TMEM132D: variants seen among roughly 807,000 people sequenced by gnomAD.
TMEM132D encodes the protein mature OL transmembrane protein.
In TMEM132D, 21 loss-of-function variants were observed where a neutral mutation model predicts 62.3. The observed-to-expected ratio is 0.34, with a 90% CI of 0.24 to 0.49. The LOEUF (loss-of-function observed/expected upper bound fraction) is 0.49, where lower values mean the gene tolerates loss of function less well. Ranked by LOEUF, TMEM132D falls within the 20% of genes least tolerant of loss-of-function variation. The pLI is 0.99. For synonymous variants in TMEM132D, 621 were observed against 575.6 expected (o/e 1.08, Z -1.13); for missense variants, 1,346 against 1,402.8 (o/e 0.96, Z 0.65).
chr12:129,543,608 C>G (rs1248258537), intron 2 of TMEM132D, among the ~76,000 whole-genome samples: 1 of 152,108 alleles, frequency 6.6e-6, no homozygotes, highest in Non-Finnish European at 1.5e-5. Context: ...TGTTGAATGT[C>G]TCATGTAATT....
chr12:129,321,231 AT>A (rs1423470547), intron 4 of TMEM132D, among the ~76,000 whole-genome samples: 2 of 152,198 alleles, frequency 1.3e-5, no homozygotes, highest in African/African-American at 4.8e-5. Flanking sequence ...ATGATGGAAA[AT>A]TCATAGGCTG....
At chr12:129,692,329 G>T (rs594121) in intron 2 of TMEM132D, among the ~76,000 whole-genome samples, 1,944 of 152,286 alleles carry the variant, frequency 0.013, 35 homozygotes, top group African/African-American at 0.045. Context: ...GGCTAAAGAA[G>T]AAAGATCGTA....
At chr12:129,872,547 G>C (rs1268539696) in intron 1 of TMEM132D, among the ~76,000 whole-genome samples, 2 of 152,182 alleles carry the variant, frequency 1.3e-5, no homozygotes, top group Admixed American at 1.3e-4. Flanking sequence ...AAGCTGCAAA[G>C]GTCAAACTTG....
intron 2 of TMEM132D, among the ~76,000 whole-genome samples, chr12:129,694,427 A>G (rs931216611): frequency 2.6e-5 from 4 of 152,230 alleles, no homozygotes; most frequent in African/African-American, 4.8e-5. Context: ...AGGAGTGTTA[A>G]AGCAAAATAA....
intron 2 of TMEM132D, among the ~76,000 whole-genome samples, chr12:129,692,993 A>G (rs1881100575): frequency 6.6e-6 from 1 of 152,220 alleles, no homozygotes; most frequent in Non-Finnish European, 1.5e-5. Context: ...CTGGAACTTA[A>G]CAATATATAA....
intron 1 of TMEM132D, among the ~76,000 whole-genome samples, chr12:129,829,476 C>A (rs1872764099): frequency 6.6e-6 from 1 of 152,112 alleles, no homozygotes; most frequent in Non-Finnish European, 1.5e-5. Flanking sequence ...GCACCCAATG[C>A]TCCCCTAAGG....
intron 1 of TMEM132D, among the ~76,000 whole-genome samples, chr12:129,719,096 A>AAAAAAAAAAAAAAAAAAAG (rs1555227254): frequency 6.9e-6 from 1 of 144,440 alleles, no homozygotes; most frequent in Non-Finnish European, 1.5e-5. Flanking sequence ...AAAAAAAAAA[A>AAAAAAAAAAAAAAAAAAAG]AAAGAAAAAA....
At chr12:129,376,135 AG>A (rs1202863435) in intron 3 of TMEM132D, among the ~76,000 whole-genome samples, 6 of 152,190 alleles carry the variant, frequency 3.9e-5, no homozygotes, top group African/African-American at 1.4e-4. Flanking sequence ...ATAACTTTTC[AG>A]GGGGAAATAC....
intron 1 of TMEM132D, among the ~76,000 whole-genome samples, chr12:129,702,420 T>C (rs1388834310): frequency 2.6e-5 from 4 of 152,242 alleles, no homozygotes; most frequent in Admixed American, 2.0e-4. Flanking sequence ...CTGATTGATA[T>C]TATCTCTAAA....
rs12231908 is a variant in TMEM132D, at chr12:129,867,273, G to A, written c.79+35988C>T. Among the ~76,000 whole-genome samples the A allele has an allele frequency of 3.4e-5, 4 of 118,462 alleles. No individual in the cohort carries two copies. Among genetic ancestry groups the A allele is most frequent in the African/African-American group, 1.1e-4 (4 of 37,658 alleles). 77.7% of individuals were successfully genotyped at this position (118,462 alleles called of 152,430 possible). On this transcript the variant is annotated intron_variant, in intron 1 of 8. Transcript: ENST00000422113. The surrounding 1 kb of genome is among the most constrained non-coding windows in gnomAD (Gnocchi z 4.5). ...AGACTCTGTCTCAAAAAAAGAAAAA[G>A]AAAGAAAGAAATCCTGCCATTTGCA... is the stretch of plus-strand genomic sequence containing the variant.
chr12:129,520,664 A>G (rs1193948480), intron 3 of TMEM132D, among the ~76,000 whole-genome samples: 1 of 152,204 alleles, frequency 6.6e-6, no homozygotes, highest in Non-Finnish European at 1.5e-5. Context: ...TAAGCCCTCC[A>G]ACTTTTTAAT....
At chr12:129,480,669 C>T (rs978394209) in intron 3 of TMEM132D, among the ~76,000 whole-genome samples, 3 of 152,304 alleles carry the variant, frequency 2.0e-5, no homozygotes, top group Non-Finnish European at 4.4e-5. Context: ...TGGAGGATGA[C>T]AGTTTCCAGG....
chr12:129,305,899 C>T (rs1325155901), intron 4 of TMEM132D, among the ~76,000 whole-genome samples: 1 of 152,016 alleles, frequency 6.6e-6, no homozygotes, highest in Admixed American at 6.6e-5. Flanking sequence ...AGATACAAAG[C>T]AGAGAGAGAA....
At chr12:129,151,362 C>T (rs1877065584) in intron 5 of TMEM132D, among the ~76,000 whole-genome samples, 1 of 152,116 alleles carries the variant, frequency 6.6e-6, no homozygotes, top group African/African-American at 2.4e-5. Context: ...GTTGGGGTTG[C>T]CTTATTCTGG....
rs761995562 is a variant in TMEM132D at position 129,074,100 on chromosome 12, A to T, written c.3075T>A (p.Ile1025=). ...QLFKPLGPII[I]DGKDQKSEPP... is the part of the protein sequence containing the mutation. ...GCTCACTTTTCTGATCTTTCCCATC[A>T]ATGATGATGGGTCCCAAAGGTTTGA... Residue 1025 remains isoleucine, a synonymous_variant, in exon 9 of 9, where the codon ATT becomes ATA. Transcript: ENST00000422113. 6 of 1,613,896 alleles carry T rather than the reference A, an allele frequency of 3.7e-6. No individual in the cohort carries two copies. In the African/African-American group the frequency reaches 8.0e-5, roughly 22 times the overall value.
At chr12:129,711,677 A>C (rs1283911124) in intron 1 of TMEM132D, among the ~76,000 whole-genome samples, 1 of 149,206 alleles carries the variant, frequency 6.7e-6, no homozygotes, top group Admixed American at 6.7e-5. Flanking sequence ...GAGTGAGCCG[A>C]GATCGCGCCA....
At position 129,130,392 on chromosome 12, in the gene TMEM132D, C is replaced by T. The variant is rs577404635; in HGVS notation, c.1444-45690G>A. On this transcript the variant is annotated intron_variant, in intron 5 of 8. Transcript: ENST00000422113. ...CTTGCTCCTGGTGACTGCATGGCCT[C>T]GACTTCCCCCTGCATCCCATCCTGA... is the stretch of plus-strand genomic sequence containing the variant. Among the ~76,000 whole-genome samples the T allele has an allele frequency of 1.8e-4, 27 of 152,166 alleles. 1 individual carries two copies. In the South Asian group the frequency reaches 5.0e-3, roughly 28 times the overall value.
chr12:129,490,529 C>T (rs373041181), intron 3 of TMEM132D, among the ~76,000 whole-genome samples: 2 of 146,110 alleles, frequency 1.4e-5, no homozygotes, highest in African/African-American at 2.6e-5. Flanking sequence ...CCCGGGTTCA[C>T]GCCATTCTCC....
At chr12:129,087,955 C>A (rs36009416) in intron 5 of TMEM132D, among the ~76,000 whole-genome samples, 2,186 of 33,154 alleles carry the variant, frequency 0.066, 356 homozygotes, top group African/African-American at 0.26. Flanking sequence ...GGTGTCCTCC[C>A]TGACCGGGGT....
Sources: allele counts gnomAD v4.1 joint callset (sites outside exome capture counted in the v4.1 genomes callset), GRCh38; gene constraint gnomAD v4.1.1; non-coding constraint Gnocchi (gnomAD v3.1); transcripts MANE v1.5; gene names NCBI Gene and HGNC (gene_info 2026-07-23, HGNC 2026-07-21).